Variants in LRP1B observed in about 807,000 individuals in gnomAD.
The protein encoded by LRP1B is low-density lipoprotein receptor-related protein 1B.
LRP1B carries 217 observed loss-of-function variants against 556.6 expected under a neutral mutation model. The ratio of observed to expected loss-of-function variants is 0.39; its 90% confidence interval spans 0.35 to 0.44. The LOEUF (loss-of-function observed/expected upper bound fraction) is 0.44. Among genes scored for constraint, LRP1B ranks in the 20% least tolerant of loss-of-function variants. LRP1B has a pLI of 1.00. For missense variants in LRP1B, 5,053 were observed against 5,620.8 expected (o/e 0.90, Z 3.23); for synonymous variants, 2,047 against 1,865.8 (o/e 1.10, Z -2.50).
intron 47 of LRP1B, among the ~76,000 whole-genome samples, chr2:140,527,813 T>A (rs1455877546): frequency 6.6e-6 from 1 of 152,000 alleles, no homozygotes; most frequent in Non-Finnish European, 1.5e-5. Flanking sequence ...GTCAATCATT[T>A]ACCTTTTGTT....
intron 1 of LRP1B, among the ~76,000 whole-genome samples, chr2:142,022,623 A>G (rs569517779): frequency 1.7e-4 from 25 of 146,318 alleles, no homozygotes; most frequent in Non-Finnish European, 3.5e-4. Context: ...AACAAATCTC[A>G]TTACTTTTAT....
intron 3 of LRP1B, among the ~76,000 whole-genome samples, chr2:141,407,368 A>T (rs1559053328): frequency 6.6e-6 from 1 of 152,180 alleles, no homozygotes; most frequent in Non-Finnish European, 1.5e-5. Flanking sequence ...AAAAAAACAT[A>T]AAAAGGCAAG....
chr2:141,224,030 A>G (rs556324393), intron 6 of LRP1B, among the ~76,000 whole-genome samples: 3 of 152,340 alleles, frequency 2.0e-5, no homozygotes, highest in African/African-American at 7.2e-5. Flanking sequence ...AAAATTGACG[A>G]ATGAGATCTA....
intron 7 of LRP1B, among the ~76,000 whole-genome samples, chr2:141,062,634 G>C (rs903532828): frequency 6.6e-6 from 1 of 151,776 alleles, no homozygotes. Context: ...GGGCATGTGA[G>C]CTATCAGCCT....
At chr2:141,162,617 C>T (rs541399383) in intron 7 of LRP1B, among the ~76,000 whole-genome samples, 3 of 152,164 alleles carry the variant, frequency 2.0e-5, no homozygotes, top group Non-Finnish European at 4.4e-5. Flanking sequence ...AGGATAAAAT[C>T]TCCAAGTTTT....
chr2:140,284,154 A>G (rs1683026550), intron 84 of LRP1B, among the ~76,000 whole-genome samples: 1 of 151,794 alleles, frequency 6.6e-6, no homozygotes, highest in African/African-American at 2.4e-5. Context: ...GATACAATTA[A>G]TTAACATATA....
chr2:140,847,220 T>A (rs1423914904), intron 29 of LRP1B, among the ~76,000 whole-genome samples: 1 of 152,110 alleles, frequency 6.6e-6, no homozygotes, highest in Non-Finnish European at 1.5e-5. Flanking sequence ...CCCATAGAAC[T>A]CTCTACTAAA....
intron 2 of LRP1B, among the ~76,000 whole-genome samples, chr2:141,751,985 T>G (rs1694132272): frequency 6.6e-6 from 1 of 151,666 alleles, no homozygotes; most frequent in Non-Finnish European, 1.5e-5. Context: ...ACAGCAATCT[T>G]TGTAACGGAT....
intron 41 of LRP1B, among the ~76,000 whole-genome samples, chr2:140,649,238 A>T (rs934961504): frequency 6.6e-6 from 1 of 152,138 alleles, no homozygotes; most frequent in Admixed American, 6.5e-5. Context: ...TGGAAATAAG[A>T]GTTACATAAA....
At chr2:141,556,417 C>T (rs980996000) in intron 2 of LRP1B, among the ~76,000 whole-genome samples, 2 of 151,904 alleles carry the variant, frequency 1.3e-5, no homozygotes, top group African/African-American at 2.4e-5. Flanking sequence ...CTGTCAATGT[C>T]CTGATTGTTG....
At chr2:141,436,597 G>A (rs889314899) in intron 3 of LRP1B, among the ~76,000 whole-genome samples, 1 of 16,826 alleles carries the variant, frequency 5.9e-5, no homozygotes, top group Non-Finnish European at 1.5e-4. Context: ...CTGTAAATCT[G>A]ACCTTTCTTA....
chr2:140,952,027 C>T, intron 18 of LRP1B, 87 bp from the exon 19 acceptor site: 1 of 926,366 alleles, frequency 1.1e-6, no homozygotes, highest in Non-Finnish European at 1.7e-6. Flanking sequence ...GTGATCAGAA[C>T]TCCTTCCCTG....
chr2:142,005,533 T>C (rs1269766440), intron 1 of LRP1B, among the ~76,000 whole-genome samples: 1 of 152,162 alleles, frequency 6.6e-6, no homozygotes, highest in Non-Finnish European at 1.5e-5. Context: ...CCTGTCTGAT[T>C]TTACAATATT....
At position 141,478,674 on chromosome 2, in the gene LRP1B, G is replaced by C. The variant is rs1682802662; in HGVS notation, c.343+1722C>G. On this transcript the variant is annotated intron_variant, in intron 3 of 90. Transcript: ENST00000389484. ...TTCTCCTGCCTCAGCCTCCCAAGTA[G>C]CTGGGAATACAGGCCCCTGCCACCA... 2.0e-5 allele frequency among the ~76,000 whole-genome samples: 3 copies of C among 152,000 alleles called. No homozygotes were observed. The South Asian group carries it at 6.3e-4, about 32-fold the overall frequency.
At chr2:141,486,104 T>C (rs1683111819) in intron 2 of LRP1B, among the ~76,000 whole-genome samples, 1 of 152,138 alleles carries the variant, frequency 6.6e-6, no homozygotes, top group South Asian at 2.1e-4. Context: ...TCAGAAAACA[T>C]TTCCAGTCCT....
rs148375061 is a variant in LRP1B, at chr2:141,789,324, C to T, written c.205+20955G>A. The stretch of plus-strand genomic sequence containing the variant: ...AGTATCACTCTTAGTACCATATCTT[C>T]ACATGACGAGAACTCAAGAAATTTT... On this transcript the variant is annotated intron_variant, in intron 2 of 90. Coordinates refer to ENST00000389484, the MANE Select transcript of LRP1B (RefSeq NM_018557.3). Among the ~76,000 whole-genome samples, 20 of 152,042 alleles carry T rather than the reference C, an allele frequency of 1.3e-4. No individual in the cohort carries two copies. The East Asian group carries it at 3.9e-3, about 29-fold the overall frequency.
At chr2:140,810,727 C>T (rs2105029539) in intron 32 of LRP1B, among the ~76,000 whole-genome samples, 1 of 152,180 alleles carries the variant, frequency 6.6e-6, no homozygotes, top group South Asian at 2.1e-4. Flanking sequence ...CCAGTAAAGG[C>T]ATTACGAGGT....
intron 66 of LRP1B, among the ~76,000 whole-genome samples, chr2:140,406,177 A>T (rs1684728100): frequency 6.6e-6 from 1 of 152,168 alleles, no homozygotes; most frequent in Non-Finnish European, 1.5e-5. Context: ...AACTAGTCAT[A>T]GACGGAACTT....
At chr2:140,770,327 G>A (rs530532002) in intron 34 of LRP1B, among the ~76,000 whole-genome samples, 7 of 151,926 alleles carry the variant, frequency 4.6e-5, no homozygotes, top group Admixed American at 6.6e-5. Flanking sequence ...CATTTTTAAC[G>A]ATAAAAATTA....
Sources: allele counts gnomAD v4.1 joint callset (sites outside exome capture counted in the v4.1 genomes callset), GRCh38; gene constraint gnomAD v4.1.1; transcripts MANE v1.5; gene names NCBI Gene and HGNC (gene_info 2026-07-23, HGNC 2026-07-21).